FRMPD1: variants seen among roughly 807,000 people sequenced by gnomAD.
FRMPD1 encodes FERM and PDZ domain-containing protein 1.
Under a neutral mutation model 117.8 loss-of-function variants are expected in FRMPD1, and 76 were observed. The ratio of observed to expected loss-of-function variants is 0.65; its 90% CI spans 0.54 to 0.78. FRMPD1 has a LOEUF of 0.78. Among genes scored for constraint, FRMPD1 ranks in the 30% least tolerant of loss-of-function variants. The pLI, the probability that FRMPD1 is intolerant of heterozygous loss-of-function variation, is 0.00. For synonymous variants in FRMPD1, 783 were observed against 770.4 expected (o/e 1.02, Z -0.27); for missense variants, 1,786 against 1,964.5 (o/e 0.91, Z 1.72).
chr9:37,637,639 T>C, the FRMPD1 span, among the ~76,000 whole-genome samples: 1 of 152,260 alleles, frequency 6.6e-6, no homozygotes, highest in Non-Finnish European at 1.5e-5. Flanking sequence ...CTTTTGAGTC[T>C]GGCTTCTTTC....
chr9:37,731,016 C>G lies in FRMPD1; in HGVS notation c.771C>G (p.Arg257=), dbSNP rs143749463. The part of the protein sequence containing the change: ...VVEREESHDY[R]CLFRVCFVPK... ...AAAGGGAGGAGTCACATGACTACCG[C>G]TGCCTCTTCAGGGTCTGTTTTGTTC... Residue 257 remains arginine, a synonymous_variant, in exon 9 of 16, where the codon CGC becomes CGG. Transcript: ENST00000377765. The G allele has an allele frequency of 6.2e-6, 10 of 1,613,666 alleles. No individual in the cohort carries two copies. The highest frequency in any genetic ancestry group is 8.5e-6 in the Non-Finnish European group (10 of 1,179,718).
At chr9:37,633,370 T>C in the FRMPD1 span, among the ~76,000 whole-genome samples, 403 of 152,344 alleles carry the variant, frequency 2.6e-3, no homozygotes, top group Admixed American at 3.5e-3. Context: ...ATGCATATAG[T>C]TAAATTTCTT....
At chr9:37,711,474 C>A in intron 5 of FRMPD1, 79 bp downstream of exon 5, 2 of 1,108,410 alleles carry the variant, frequency 1.8e-6, no homozygotes, top group Non-Finnish European at 2.8e-6. Flanking sequence ...GGATATCCCT[C>A]ATAAAGTAAG....
chr9:37,642,921 T>C, the FRMPD1 span, among the ~76,000 whole-genome samples: 1 of 152,244 alleles, frequency 6.6e-6, no homozygotes, highest in African/African-American at 2.4e-5. Flanking sequence ...TCCTCTTTTT[T>C]CTTTTTCCTG....
At chr9:37,638,892 T>C in the FRMPD1 span, among the ~76,000 whole-genome samples, 1 of 152,340 alleles carries the variant, frequency 6.6e-6, no homozygotes, top group East Asian at 1.9e-4. Context: ...CCTCTCAAAG[T>C]GACTTCCTGC....
At chr9:37,630,375 C>CTTATTTAT in the FRMPD1 span, among the ~76,000 whole-genome samples, 1 of 151,508 alleles carries the variant, frequency 6.6e-6, no homozygotes, top group Non-Finnish European at 1.5e-5. Context: ...TTCTTTTTTG[C>CTTATTTAT]TTATTTATTT....
intron 1 of FRMPD1, among the ~76,000 whole-genome samples, chr9:37,658,981 T>A (rs546811245): frequency 6.6e-6 from 1 of 152,246 alleles, no homozygotes; most frequent in East Asian, 1.9e-4. Flanking sequence ...TCCTCCCACC[T>A]CAGCCTTCTA....
rs181970783 is a variant in FRMPD1, at chr9:37,692,555, T to A, written c.-4-83T>A. 3.9e-5 allele frequency: 35 copies of A among 904,818 alleles called. No individual in the cohort carries two copies. The East Asian group carries it at 8.4e-4, about 22-fold the overall frequency. 56.0% of individuals were successfully genotyped at this position (904,818 alleles called of 1,614,324 possible). On this transcript the variant is annotated intron_variant, in intron 1 of 15. Coordinates refer to ENST00000377765, the MANE Select transcript of FRMPD1 (RefSeq NM_014907.3). Reference sequence around the variant, plus strand: ...ATTAGCATGTCTTATAATGGGCAAATAAAGGAAGCATCGTCCTGATTTATC... The same window carrying A: ...ATTAGCATGTCTTATAATGGGCAAAAAAAGGAAGCATCGTCCTGATTTATC...
At chr9:37,732,903 T>A (rs1207284404) in intron 10 of FRMPD1, among the ~76,000 whole-genome samples, 3 of 152,158 alleles carry the variant, frequency 2.0e-5, no homozygotes, top group Non-Finnish European at 4.4e-5. Context: ...GCTAAGCCCC[T>A]CCCCAGATCT....
chr9:37,731,032 T>C lies in FRMPD1; in HGVS notation c.787T>C (p.Cys263Arg). The C allele has an allele frequency of 6.2e-7, 1 of 1,613,688 alleles. No homozygotes were observed. The highest frequency in any genetic ancestry group is 8.5e-7 in the Non-Finnish European group (1 of 1,179,564). ...SHDYRCLFRV[C>R]FVPKDPLDLL... ...TGACTACCGCTGCCTCTTCAGGGTC[T>C]GTTTTGTTCCCAAGGACCCCCTGGA... The change falls in exon 9 of 16, where the codon TGT becomes CGT. Residue 263 changes from cysteine (C) to arginine (R), a missense_variant. Physicochemically the swap from Cys to Arg is radical, Grantham distance 180 (BLOSUM62 -3). Transcript: ENST00000377765.
chr9:37,740,113 T>C lies in FRMPD1; in HGVS notation c.1585T>C (p.Ser529Pro). ...ESRACSDSEE[S>P]SEVDCVLEPL... is the part of the protein sequence containing the mutation. ...CAGGGCCTGCAGTGACTCAGAGGAG[T>C]CCTCTGAGGTGGACTGCGTACTCGA... Residue 529 changes from serine (S) to proline (P), a missense_variant, in exon 15 of 16, where the codon TCC becomes CCC. Transcript: ENST00000377765. This position sits in a 1 kb window ranked among gnomAD's most constrained non-coding sequence, Gnocchi z 4.2. 6.2e-7 allele frequency: 1 copy of C among 1,611,060 alleles called. No homozygotes were observed. The highest frequency in any genetic ancestry group is 8.5e-7 in the Non-Finnish European group (1 of 1,178,748).
At chr9:37,679,751 G>T (rs1821656193) in intron 1 of FRMPD1, among the ~76,000 whole-genome samples, 1 of 152,230 alleles carries the variant, frequency 6.6e-6, no homozygotes, top group Non-Finnish European at 1.5e-5. Context: ...CACATGTCCA[G>T]TTGGGAGCAG....
At chr9:37,726,485 G>A (rs562266479) in intron 7 of FRMPD1, among the ~76,000 whole-genome samples, 34 of 152,016 alleles carry the variant, frequency 2.2e-4, no homozygotes, top group Non-Finnish European at 3.7e-4. Flanking sequence ...ATCAACTGAG[G>A]TCAGGAGTTT....
the FRMPD1 span, among the ~76,000 whole-genome samples, chr9:37,612,460 T>C: frequency 1.3e-5 from 2 of 151,934 alleles, no homozygotes; most frequent in Non-Finnish European, 2.9e-5. Flanking sequence ...GCGATTCTCC[T>C]GCCTCAGCCT....
chr9:37,634,972 G>A, the FRMPD1 span, among the ~76,000 whole-genome samples: 1 of 151,990 alleles, frequency 6.6e-6, no homozygotes, highest in South Asian at 2.1e-4. Flanking sequence ...AAGTATGAAA[G>A]TATCTTTATT....
Position 37,746,717 on chromosome 9 carries a change from C to G in FRMPD1, c.4685C>G (p.Thr1562Arg). 1 of 1,614,048 alleles carries G rather than the reference C, an allele frequency of 6.2e-7. No individual in the cohort carries two copies. The highest frequency in any genetic ancestry group is 1.1e-5 in the South Asian group (1 of 91,088). Residue 1562 changes from threonine (T) to arginine (R), a missense_variant, in exon 16 of 16, where the codon ACG becomes AGG. By Grantham distance (71) the Thr-to-Arg change is moderately conservative. Coordinates refer to ENST00000377765, the MANE Select transcript of FRMPD1 (RefSeq NM_014907.3). ...CTGGCCCGTCAGTGCACGGCCCTCACGGCCGCCGTGTTCTGTTTGACCCAG... is the reference window on the plus strand; with the variant it reads ...CTGGCCCGTCAGTGCACGGCCCTCAGGGCCGCCGTGTTCTGTTTGACCCAG... ...KLLARQCTAL[T>R]AAVFCLTQKF...
chr9:37,698,023 G>A (rs763769357), intron 2 of FRMPD1, among the ~76,000 whole-genome samples: 9 of 152,194 alleles, frequency 5.9e-5, no homozygotes, highest in Non-Finnish European at 1.2e-4. Context: ...GCTGAGGCAG[G>A]AGAATCTCTT....
intron 1 of FRMPD1, among the ~76,000 whole-genome samples, chr9:37,679,582 G>T (rs1193249247): frequency 6.6e-6 from 1 of 152,208 alleles, no homozygotes; most frequent in Non-Finnish European, 1.5e-5. Context: ...TCTCTACAGA[G>T]TTCCCTACTG....
At chr9:37,724,405 C>A in intron 7 of FRMPD1, 85 bp downstream of exon 7, 1 of 699,934 alleles carries the variant, frequency 1.4e-6, no homozygotes, top group South Asian at 1.6e-5. Flanking sequence ...CTGCATCTGC[C>A]TTGGTGGTCT....
Sources: allele counts gnomAD v4.1 joint callset (sites outside exome capture counted in the v4.1 genomes callset), GRCh38; gene constraint gnomAD v4.1.1; non-coding constraint Gnocchi (gnomAD v3.1); transcripts MANE v1.5; gene names NCBI Gene and HGNC (gene_info 2026-07-23, HGNC 2026-07-21).